Variants in NCOA6 observed in about 807,000 individuals in gnomAD.
The protein encoded by NCOA6 is NRC RAP250.
In NCOA6, 49 loss-of-function variants were observed where a neutral mutation model predicts 171.4. That is an observed-to-expected ratio of 0.29 (90% confidence interval 0.23 to 0.36). NCOA6 has a LOEUF of 0.36. Among genes scored for constraint, NCOA6 ranks in the 10% least tolerant of loss-of-function variants. The probability of loss-of-function intolerance (pLI) is 1.00; values close to 1 mark genes in which losing one functional copy is unlikely to be tolerated. For missense variants in NCOA6, 2,248 were observed against 2,554.5 expected (o/e 0.88, Z 2.59); for synonymous variants, 910 against 927.5 (o/e 0.98, Z 0.34).
intron 5 of NCOA6, among the ~76,000 whole-genome samples, chr20:34,765,802 G>C (rs1477724229): frequency 6.6e-6 from 1 of 152,118 alleles, no homozygotes; most frequent in Non-Finnish European, 1.5e-5. Flanking sequence ...TGAGAAACTT[G>C]AATTAAATGA....
intron 10 of NCOA6, among the ~76,000 whole-genome samples, chr20:34,744,668 T>A (rs1015257097): frequency 1.1e-4 from 17 of 152,268 alleles, no homozygotes; most frequent in East Asian, 3.9e-4. Flanking sequence ...TGAAGATTTT[T>A]AAAAAAATCC....
At chr20:34,746,733 C>A in intron 10 of NCOA6, 74 bp downstream of exon 10, 1 of 1,440,476 alleles carries the variant, frequency 6.9e-7, no homozygotes, top group Non-Finnish European at 9.3e-7. Flanking sequence ...ACTATTGTTT[C>A]CTTGAAGACA....
intron 10 of NCOA6, among the ~76,000 whole-genome samples, chr20:34,743,565 C>T (rs896899349): frequency 1.3e-5 from 2 of 152,136 alleles, no homozygotes; most frequent in Non-Finnish European, 2.9e-5. Flanking sequence ...AAACCTGGAG[C>T]TCCTCGGTGT....
intron 3 of NCOA6, among the ~76,000 whole-genome samples, chr20:34,778,914 G>A (rs968397540): frequency 1.4e-5 from 2 of 139,470 alleles, no homozygotes; most frequent in Non-Finnish European, 3.0e-5. Flanking sequence ...AGCCGAGATC[G>A]CACCACTGCA....
intron 11 of NCOA6, among the ~76,000 whole-genome samples, chr20:34,739,417 C>G (rs1416761373): frequency 2.0e-5 from 3 of 152,148 alleles, no homozygotes; most frequent in African/African-American, 7.2e-5. Context: ...TAATACCAAC[C>G]CAAGCCTACT....
Position 34,741,698 on chromosome 20 carries a change from C to A in NCOA6, c.4558G>T (p.Val1520Phe), listed in dbSNP as rs753288204. Residue 1520 changes from valine to phenylalanine, a missense_variant, in exon 11 of 15, where the codon GTT becomes TTT. By Grantham distance (50) the Val-to-Phe change is conservative. Coordinates refer to ENST00000359003, the MANE Select transcript of NCOA6 (RefSeq NM_014071.5). The stretch of plus-strand genomic sequence containing the variant: ...GCTTTTTTGAGGTCCTCCCCAGAAA[C>A]TACTGGAGGTGTTACTTCCAGATCT... ...LTDLEVTPPV[V>F]SGEDLKKASV... is the part of the protein sequence containing the mutation. 17 of 1,614,102 alleles carry A rather than the reference C, an allele frequency of 1.1e-5. No homozygotes were observed. In the Admixed American group the frequency reaches 2.8e-4, roughly 27 times the overall value.
chr20:34,785,137 C>G (rs1318697158), intron 2 of NCOA6, among the ~76,000 whole-genome samples: 1 of 151,948 alleles, frequency 6.6e-6, no homozygotes, highest in Non-Finnish European at 1.5e-5. Context: ...ACTTCAACAG[C>G]AAAGGCTTTC....
At chr20:34,806,390 A>G (rs1422420362) in intron 1 of NCOA6, among the ~76,000 whole-genome samples, 2 of 152,212 alleles carry the variant, frequency 1.3e-5, no homozygotes, top group Non-Finnish European at 2.9e-5. Context: ...TTTGCTGTGC[A>G]GAAGCTTTCT....
chr20:34,731,089 G>C (rs190993424), intron 13 of NCOA6, among the ~76,000 whole-genome samples: 8 of 151,974 alleles, frequency 5.3e-5, no homozygotes, highest in East Asian at 1.9e-4. Flanking sequence ...GCATGATCTC[G>C]GCTCACTGCA....
chr20:34,729,469 A>T (rs1990351792), intron 13 of NCOA6, among the ~76,000 whole-genome samples: 1 of 152,214 alleles, frequency 6.6e-6, no homozygotes, highest in Non-Finnish European at 1.5e-5. Flanking sequence ...TGTTAAAATG[A>T]TCAGAAAAAA....
At chr20:34,811,297 T>A (rs2078658091) in intron 1 of NCOA6, among the ~76,000 whole-genome samples, 1 of 146,446 alleles carries the variant, frequency 6.8e-6, no homozygotes, top group Non-Finnish European at 1.5e-5. Context: ...AGTAGCTTTG[T>A]AAAATAAAAA....
intron 4 of NCOA6, among the ~76,000 whole-genome samples, chr20:34,769,511 C>A (rs1464211092): frequency 6.6e-6 from 1 of 151,592 alleles, no homozygotes; most frequent in Admixed American, 6.6e-5. Flanking sequence ...TTACAGGCGC[C>A]CACCACCACG....
chr20:34,736,646 G>A (rs370911042), intron 12 of NCOA6, 44 bp downstream of exon 12: 39 of 1,513,848 alleles, frequency 2.6e-5, no homozygotes, highest in Non-Finnish European at 3.3e-5. Context: ...TCCTTCACAT[G>A]TAACCCATCC....
rs1384481112 is a variant in NCOA6, at chr20:34,742,034, C to A, written c.4222G>T (p.Val1408Phe). The A allele has an allele frequency of 3.7e-6, 6 of 1,614,078 alleles. No homozygotes were observed. The highest frequency in any genetic ancestry group is 2.5e-6 in the Non-Finnish European group (3 of 1,180,044). Reference protein sequence around the residue: ...PQNSTVSVAAVGGVVEDNKES... With the variant: ...PQNSTVSVAAFGGVVEDNKES... ...TTGTTATCCTCAACAACACCCCCAACTGCAGCCACAGACACAGTAGAATTC... is the reference window on the plus strand; with the variant it reads ...TTGTTATCCTCAACAACACCCCCAAATGCAGCCACAGACACAGTAGAATTC... The change falls in exon 11 of 15, where the codon GTT becomes TTT. Residue 1408 changes from valine (V) to phenylalanine (F), a missense_variant. Coordinates refer to ENST00000359003, the MANE Select transcript of NCOA6 (RefSeq NM_014071.5).
intron 2 of NCOA6, among the ~76,000 whole-genome samples, chr20:34,791,242 T>C (rs2077872115): frequency 6.6e-6 from 1 of 152,236 alleles, no homozygotes; most frequent in African/African-American, 2.4e-5. Flanking sequence ...ATACAGAAAG[T>C]AGCACATTTA....
chr20:34,818,551 T>C (rs950812579), intron 1 of NCOA6, among the ~76,000 whole-genome samples: 3 of 152,214 alleles, frequency 2.0e-5, no homozygotes, highest in Non-Finnish European at 2.9e-5. Flanking sequence ...CCAAGCAAAG[T>C]GGACTCTTTA....
At chr20:34,732,419 A>G (rs2075814892) in intron 13 of NCOA6, 140 bp downstream of exon 13, 3 of 688,006 alleles carry the variant, frequency 4.4e-6, no homozygotes, top group Non-Finnish European at 7.1e-6. Context: ...ACAGCTCTCT[A>G]CGTTAGCAGT....
chr20:34,813,151 C>T (rs1469749629), intron 1 of NCOA6, among the ~76,000 whole-genome samples: 1 of 147,532 alleles, frequency 6.8e-6, no homozygotes, highest in Admixed American at 6.8e-5. Context: ...AAGAGTGAAA[C>T]ACTGTCTCAG....
intron 4 of NCOA6, among the ~76,000 whole-genome samples, chr20:34,770,736 TCTC>T (rs2077124904): frequency 6.6e-6 from 1 of 151,974 alleles, no homozygotes; most frequent in South Asian, 2.1e-4. Flanking sequence ...TTCAAGCGAT[TCTC>T]CTACCTCAGC....
Sources: gnomAD v4.1 joint callset for allele counts (sites outside exome capture counted in the v4.1 genomes callset) on GRCh38, gnomAD v4.1.1 for gene constraint, MANE v1.5 for transcripts, NCBI Gene and HGNC (gene_info 2026-07-23, HGNC 2026-07-21) for gene names.